The following COL21A1 variants were observed in gnomAD, a reference collection of about 807,000 sequenced individuals.
COL21A1 encodes collagen type XXI alpha 1 chain, also known as collagen alpha-1(XXI) chain.
Under a neutral mutation model 137.9 loss-of-function variants are expected in COL21A1, and 149 were observed. That is an observed-to-expected ratio of 1.08 (90% CI 0.95 to 1.24). COL21A1 has a LOEUF of 1.24. Ranked by LOEUF, COL21A1 falls within the 50% of genes most tolerant of loss-of-function variation. The probability of loss-of-function intolerance (pLI) is 0.00; values close to 1 mark genes in which losing one functional copy is unlikely to be tolerated. For synonymous variants in COL21A1, 456 were observed against 391.5 expected (o/e 1.16, Z -1.95); for missense variants, 1,167 against 1,158.4 (o/e 1.01, Z -0.11).
intron 1 of COL21A1, among the ~76,000 whole-genome samples, chr6:56,345,408 T>C (rs1247392654): frequency 6.6e-6 from 1 of 152,212 alleles, no homozygotes; most frequent in Non-Finnish European, 1.5e-5. Context: ...ATATTCATAG[T>C]ACTATCTGTA....
intron 1 of COL21A1, among the ~76,000 whole-genome samples, chr6:56,183,964 G>A (rs78370539): frequency 0.022 from 3,292 of 152,024 alleles, 121 homozygotes; most frequent in African/African-American, 0.075. Flanking sequence ...GTAAACTTGA[G>A]GATAAGTCAA....
chr6:56,115,893 T>C lies in COL21A1; in HGVS notation c.1758+8169A>G, dbSNP rs530940724. 1.2e-4 allele frequency among the ~76,000 whole-genome samples: 18 copies of C among 152,008 alleles called. No homozygotes were observed. The South Asian group carries it at 2.3e-3, about 19-fold the overall frequency. ...AAAATGCAATTAGCATACTGAACAA[T>C]GTATCAGAGTCCTTTAATAGCAGAA... On this transcript the variant is annotated intron_variant, in intron 16 of 29. Coordinates refer to ENST00000244728, the MANE Select transcript of COL21A1 (RefSeq NM_030820.4).
intron 17 of COL21A1, among the ~76,000 whole-genome samples, chr6:56,078,735 C>T (rs1329252837): frequency 6.6e-6 from 1 of 151,636 alleles, no homozygotes; most frequent in African/African-American, 2.4e-5. Flanking sequence ...CATTGGAATT[C>T]AGTTTGATTC....
intron 1 of COL21A1, among the ~76,000 whole-genome samples, chr6:56,371,630 A>G (rs961043691): frequency 6.6e-6 from 1 of 152,168 alleles, no homozygotes; most frequent in African/African-American, 2.4e-5. Context: ...CATAAATCCA[A>G]GAAGTGCCAG....
intron 1 of COL21A1, among the ~76,000 whole-genome samples, chr6:56,340,046 C>T (rs1435903473): frequency 1.1e-5 from 1 of 88,726 alleles, no homozygotes; most frequent in South Asian, 6.1e-4. Context: ...CTGGATAATA[C>T]CCCAGAGAGG....
chr6:56,343,854 G>A lies in COL21A1; in HGVS notation c.-39+50117C>T, dbSNP rs374485986. 3.0e-4 allele frequency among the ~76,000 whole-genome samples: 46 copies of A among 152,294 alleles called. 1 individual carries two copies. The South Asian group carries it at 8.9e-3, about 29-fold the overall frequency. On this transcript the variant is annotated intron_variant, in intron 1 of 28. Coordinates refer to the COL21A1 transcript ENST00000370819. ...GCTACTCGATGGTGGGGGAGCTGAG[G>A]TGGGAGGATTGAGCCCAGGAGGTCA...
rs570121163 is a variant in COL21A1 at position 56,291,279 on chromosome 6, T to C, written c.-39+102692A>G. Reference sequence around the variant, plus strand: ...GGGGAACAAAAAGAAAGAGATTGGATCCCTGAGAAAGGGGCAGTTTCTTGG... The same window carrying C: ...GGGGAACAAAAAGAAAGAGATTGGACCCCTGAGAAAGGGGCAGTTTCTTGG... On this transcript the variant is annotated intron_variant, in intron 1 of 28. Transcript: ENST00000370819. Among the ~76,000 whole-genome samples the C allele has an allele frequency of 2.8e-4, 43 of 152,270 alleles. 2 individuals carry two copies. In the South Asian group the frequency reaches 8.9e-3, roughly 32 times the overall value.
chr6:56,167,071 T>C (rs1054238722), intron 6 of COL21A1, 88 bp from the exon 7 acceptor site: 3 of 868,940 alleles, frequency 3.5e-6, no homozygotes, highest in African/African-American at 1.7e-5. Flanking sequence ...ACATCCACTA[T>C]GGTTAGTAAT....
chr6:56,107,428 A>G (rs1005693204), intron 16 of COL21A1, among the ~76,000 whole-genome samples: 12 of 146,442 alleles, frequency 8.2e-5, no homozygotes, highest in African/African-American at 3.1e-4. Context: ...AACATTCCAG[A>G]AAAAAAAAAA....
intron 1 of COL21A1, among the ~76,000 whole-genome samples, chr6:56,320,029 A>G (rs1764828699): frequency 6.6e-6 from 1 of 152,118 alleles, no homozygotes; most frequent in Non-Finnish European, 1.5e-5. Flanking sequence ...TGGGTGTCTA[A>G]CCACCTACTT....
At chr6:56,306,099 A>T (rs369373341) in intron 1 of COL21A1, among the ~76,000 whole-genome samples, 1,321 of 79,012 alleles carry the variant, frequency 0.017, 13 homozygotes, top group Middle Eastern at 0.057. Context: ...CCAAGAGATC[A>T]GCTGTTAGTC....
intron 9 of COL21A1, among the ~76,000 whole-genome samples, chr6:56,158,266 C>CTTTTTTTTTTTT (rs67453245): frequency 1.2e-3 from 72 of 62,400 alleles, no homozygotes; most frequent in South Asian, 2.3e-3. Flanking sequence ...TTTTTTTTTT[C>CTTTTTTTTTTTT]TTTTTTTTTT....
chr6:56,176,431 A>AT (rs1439262442), intron 3 of COL21A1, among the ~76,000 whole-genome samples: 1 of 151,796 alleles, frequency 6.6e-6, no homozygotes, highest in Admixed American at 6.6e-5. Context: ...ACAAAAAAAA[A>AT]ACTGATTAAG....
chr6:56,167,803 A>G (rs945053230), intron 6 of COL21A1, among the ~76,000 whole-genome samples: 13 of 152,176 alleles, frequency 8.5e-5, no homozygotes, highest in African/African-American at 3.1e-4. Context: ...AGATGAAACT[A>G]TATTTTCTTT....
intron 16 of COL21A1, among the ~76,000 whole-genome samples, chr6:56,114,543 AT>A (rs1401116816): frequency 2.0e-5 from 3 of 152,244 alleles, no homozygotes; most frequent in African/African-American, 7.2e-5. Context: ...AAAAGAAGAC[AT>A]TTATGCAACC....
intron 1 of COL21A1, among the ~76,000 whole-genome samples, chr6:56,334,119 C>A (rs544817501): frequency 1.3e-5 from 2 of 151,904 alleles, no homozygotes; most frequent in Non-Finnish European, 2.9e-5. Flanking sequence ...TCAGAGAAAC[C>A]TTCCATGACT....
chr6:56,332,827 C>T (rs73747782), intron 1 of COL21A1, among the ~76,000 whole-genome samples: 2,660 of 151,916 alleles, frequency 0.018, 67 homozygotes, highest in African/African-American at 0.06. Flanking sequence ...TTTTACAAGC[C>T]GCCTATTAAA....
At chr6:56,125,903 A>ATATT (rs1403244048) in intron 13 of COL21A1, among the ~76,000 whole-genome samples, 193 bp downstream of exon 13, 4 of 152,046 alleles carry the variant, frequency 2.6e-5, no homozygotes, top group African/African-American at 7.2e-5. Context: ...ATAAAATCAT[A>ATATT]TATTTATAAC....
At chr6:56,260,489 A>T (rs1438535400) in intron 1 of COL21A1, among the ~76,000 whole-genome samples, 1 of 151,180 alleles carries the variant, frequency 6.6e-6, no homozygotes, top group Non-Finnish European at 1.5e-5. Context: ...CAGGAGAATC[A>T]CTTGAACCCA....
Sources: allele counts gnomAD v4.1 joint callset (sites outside exome capture counted in the v4.1 genomes callset), GRCh38; gene constraint gnomAD v4.1.1; transcripts MANE v1.5; gene names NCBI Gene and HGNC (gene_info 2026-07-23, HGNC 2026-07-21).